The following NDUFB9 variants were observed in gnomAD, a reference collection of about 807,000 sequenced individuals.
NDUFB9 encodes the protein NADH dehydrogenase [ubiquinone] 1 beta subcomplex subunit 9.
Under a neutral mutation model 30.2 loss-of-function variants are expected in NDUFB9, and 24 were observed. The observed-to-expected ratio is 0.80, with a 90% CI of 0.58 to 1.12. The LOEUF (loss-of-function observed/expected upper bound fraction) is 1.12, where lower values mean the gene tolerates loss of function less well. Ranked by LOEUF, NDUFB9 falls within the 50% of genes most tolerant of loss-of-function variation. The pLI is 0.00. For missense variants in NDUFB9, 204 were observed against 226.0 expected (o/e 0.90, Z 0.62); for synonymous variants, 80 against 84.0 (o/e 0.95, Z 0.26).
chr8:124,546,661 G>T, intron 2 of NDUFB9: 2 of 334,148 alleles, frequency 6.0e-6, no homozygotes, highest in Non-Finnish European at 1.1e-5. Context: ...AACTTGGATT[G>T]GTGCTTAATA....
intron 1 of NDUFB9, among the ~76,000 whole-genome samples, chr8:124,541,374 T>C (rs1821978662): frequency 6.6e-6 from 1 of 152,216 alleles, no homozygotes; most frequent in Non-Finnish European, 1.5e-5. Flanking sequence ...TTGCTCCTTA[T>C]TCCTTTGCCA....
intron 3 of NDUFB9, among the ~76,000 whole-genome samples, chr8:124,548,668 G>T (rs1374032647): frequency 6.6e-6 from 1 of 152,176 alleles, no homozygotes; most frequent in African/African-American, 2.4e-5. Flanking sequence ...GTTGCTCAGA[G>T]AGTGACAAGG....
chr8:124,545,329 A>G, intron 2 of NDUFB9, among the ~76,000 whole-genome samples: 1 of 152,196 alleles, frequency 6.6e-6, no homozygotes, highest in East Asian at 1.9e-4. Flanking sequence ...CACATGCTAT[A>G]GAAGTGTTTG....
At chr8:124,539,705 G>A (rs72713102) in intron 1 of NDUFB9, among the ~76,000 whole-genome samples, 1 of 152,128 alleles carries the variant, frequency 6.6e-6, no homozygotes, top group South Asian at 2.1e-4. Flanking sequence ...CTAGGAGTTA[G>A]GAATTATCTT....
At chr8:124,545,041 A>G (rs1336469103) in intron 2 of NDUFB9, among the ~76,000 whole-genome samples, 1 of 152,238 alleles carries the variant, frequency 6.6e-6, no homozygotes, top group Non-Finnish European at 1.5e-5. Context: ...TTGTGGAAAT[A>G]GCAAGAGAGC....
At chr8:124,546,602 A>G in intron 2 of NDUFB9, 1 of 268,724 alleles carries the variant, frequency 3.7e-6, no homozygotes, top group South Asian at 4.4e-5. Flanking sequence ...AAGGTCGTAC[A>G]GTATACTTTT....
chr8:124,540,330 A>C (rs748368137), intron 1 of NDUFB9, among the ~76,000 whole-genome samples: 1 of 152,226 alleles, frequency 6.6e-6, no homozygotes, highest in African/African-American at 2.4e-5. Flanking sequence ...TAAATATATA[A>C]ATGTTAGTAA....
In NDUFB9 at chr8:124,546,944, T is replaced by C. The variant is rs552742519; in HGVS notation, c.295-56T>C. 6.6e-5 allele frequency: 81 copies of C among 1,234,942 alleles called. No homozygotes were observed. The African/African-American group carries it at 1.0e-3, about 16-fold the overall frequency. 76.5% of individuals were successfully genotyped at this position (1,234,942 alleles called of 1,614,324 possible). On this transcript the variant is annotated intron_variant, in intron 2 of 3. Coordinates refer to ENST00000276689, the MANE Select transcript of NDUFB9 (RefSeq NM_005005.3). Reference sequence around the variant, plus strand: ...TCTTACATCTCCTGAGCAGGCCCTGTCAGGGATAGGTAAATGTGTCCTGTG... The same window carrying C: ...TCTTACATCTCCTGAGCAGGCCCTGCCAGGGATAGGTAAATGTGTCCTGTG...
In NDUFB9 at chr8:124,539,159, C is replaced by G. The variant is rs371465329; in HGVS notation, c.-28C>G. The G allele has an allele frequency of 1.2e-6, 2 of 1,613,702 alleles. No individual in the cohort carries two copies. The highest frequency in any genetic ancestry group is 2.2e-5 in the East Asian group (1 of 44,894). ...GCAGGCGTGCAGTTTCCCGGCTCTC[C>G]GCGCGGCCGGGGAAGGTCAGCGCCG... is the stretch of plus-strand genomic sequence containing the variant. On this transcript the variant is annotated 5_prime_UTR_variant, in exon 1 of 4. Coordinates refer to ENST00000276689, the MANE Select transcript of NDUFB9 (RefSeq NM_005005.3).
Position 124,539,209 on chromosome 8 carries a change from C to A in NDUFB9, c.23C>A (p.Pro8His), listed in dbSNP as rs755557988. Residue 8 changes from proline (P) to histidine (H), a missense_variant, in exon 1 of 4, where the codon CCC becomes CAC. Coordinates refer to ENST00000276689, the MANE Select transcript of NDUFB9 (RefSeq NM_005005.3). MAFLASG[P>H]YLTHQQKVLR... ...GTAATGGCGTTCTTGGCGTCGGGAC[C>A]CTACCTGACCCATCAGCAAAAGGTG... 48 of 1,614,226 alleles carry A rather than the reference C, an allele frequency of 3.0e-5. 2 individuals carry two copies. The South Asian group carries it at 4.9e-4, about 17-fold the overall frequency.
Position 124,539,156 on chromosome 8 carries a change from C to G in NDUFB9, c.-31C>G, listed in dbSNP as rs534646199. The G allele has an allele frequency of 1.9e-6, 3 of 1,613,410 alleles. No individual in the cohort carries two copies. Among genetic ancestry groups the G allele is most frequent in the South Asian group, 1.1e-5 (1 of 91,072 alleles). ...GCAGCAGGCGTGCAGTTTCCCGGCTCTCCGCGCGGCCGGGGAAGGTCAGCG... is the reference window on the plus strand; with the variant it reads ...GCAGCAGGCGTGCAGTTTCCCGGCTGTCCGCGCGGCCGGGGAAGGTCAGCG... On this transcript the variant is annotated 5_prime_UTR_variant, in exon 1 of 4. Transcript: ENST00000276689.
intron 3 of NDUFB9, among the ~76,000 whole-genome samples, chr8:124,549,380 C>T (rs1449112270): frequency 1.3e-5 from 2 of 152,116 alleles, no homozygotes; most frequent in African/African-American, 4.8e-5. Context: ...GAACACTTAG[C>T]TGAGACACAA....
chr8:124,547,810 C>T (rs915512768), intron 3 of NDUFB9, among the ~76,000 whole-genome samples: 6 of 152,032 alleles, frequency 3.9e-5, no homozygotes, highest in African/African-American at 1.2e-4. Flanking sequence ...GGTGAAACCC[C>T]ATCTCTACTA....
chr8:124,540,679 G>A (rs1393442147), intron 1 of NDUFB9, among the ~76,000 whole-genome samples: 1 of 152,116 alleles, frequency 6.6e-6, no homozygotes, highest in African/African-American at 2.4e-5. Flanking sequence ...TGACAGTTAT[G>A]GCTCAGCATT....
intron 3 of NDUFB9, chr8:124,547,490 A>T (rs1186316356): frequency 1.8e-6 from 1 of 545,264 alleles, no homozygotes; most frequent in East Asian, 3.2e-5. Flanking sequence ...TAGTGTGAAG[A>T]ATATATTGGA....
chr8:124,541,359 A>G (rs1821978384), intron 1 of NDUFB9, among the ~76,000 whole-genome samples: 1 of 152,186 alleles, frequency 6.6e-6, no homozygotes, highest in South Asian at 2.1e-4. Context: ...ATTGTTCTCA[A>G]GTATTTGCTC....
rs139635207 is a variant in NDUFB9 at position 124,545,077 on chromosome 8, A to G, written c.294+1798A>G. On this transcript the variant is annotated intron_variant, in intron 2 of 3. Coordinates refer to ENST00000276689, the MANE Select transcript of NDUFB9 (RefSeq NM_005005.3). Reference sequence around the variant, plus strand: ...CAGAATAGAAGCTGATCCTGAGAATATGACTGAATTGCTGTAATCTCATGA... The same window carrying G: ...CAGAATAGAAGCTGATCCTGAGAATGTGACTGAATTGCTGTAATCTCATGA... 3.3e-5 allele frequency among the ~76,000 whole-genome samples: 5 copies of G among 152,328 alleles called. No individual in the cohort carries two copies. The East Asian group carries it at 5.8e-4, about 18-fold the overall frequency.
Position 124,547,148 on chromosome 8 carries a change from A to G in NDUFB9, c.408+35A>G, listed in dbSNP as rs757658551. On this transcript the variant is annotated intron_variant, in intron 3 of 3. Transcript: ENST00000276689. ...ACTTGTACTTCGTTATTCCTTAGCT[A>G]TGTAGATGGAGTGAAGTTTTGCTCC... 3.3e-6 allele frequency: 5 copies of G among 1,524,330 alleles called. No individual in the cohort carries two copies. The African/African-American group carries it at 4.1e-5, about 13-fold the overall frequency. The allele number at this position is 1,524,330 out of a possible 1,614,324, so 94.4% of individuals were successfully genotyped here.
At chr8:124,539,690 A>G (rs1821851705) in intron 1 of NDUFB9, among the ~76,000 whole-genome samples, 2 of 152,192 alleles carry the variant, frequency 1.3e-5, no homozygotes, top group Non-Finnish European at 2.9e-5. Context: ...TCAGTCTGCA[A>G]AACTCTAGGA....
Sources: gnomAD v4.1 joint callset for allele counts (sites outside exome capture counted in the v4.1 genomes callset) on GRCh38, gnomAD v4.1.1 for gene constraint, MANE v1.5 for transcripts, NCBI Gene and HGNC (gene_info 2026-07-23, HGNC 2026-07-21) for gene names.